BCAP29: variants seen among roughly 807,000 people sequenced by gnomAD.
BCAP29 encodes the protein B-cell receptor-associated protein 29.
BCAP29 carries 34 observed loss-of-function variants against 31.8 expected under a neutral mutation model. That is an observed-to-expected ratio of 1.07 (90% CI 0.81 to 1.42). The LOEUF (loss-of-function observed/expected upper bound fraction) is 1.42, where lower values mean the gene tolerates loss of function less well. Ranked by LOEUF, BCAP29 falls within the 40% of genes most tolerant of loss-of-function variation. BCAP29 has a pLI of 0.00. For synonymous variants in BCAP29, 104 were observed against 91.3 expected, an observed-to-expected ratio of 1.14 and a Z score of -0.79; for missense variants, 314 against 269.2, an observed-to-expected ratio of 1.17 and a Z score of -1.16.
chr7:107,597,018 T>TA (rs1809972221), intron 5 of BCAP29, among the ~76,000 whole-genome samples: 1 of 152,168 alleles, frequency 6.6e-6, no homozygotes, highest in Non-Finnish European at 1.5e-5. Context: ...GAGGCACAGA[T>TA]ATGCTGGGCT....
downstream of BCAP29, chr7:107,622,056 T>C (rs565001867): frequency 2.3e-6 from 1 of 435,248 alleles, no homozygotes; most frequent in East Asian, 5.7e-5. Context: ...CCTATCTTAG[T>C]TACTTTTCTC....
Position 107,595,996 on chromosome 7 carries a change from A to G in BCAP29, c.474A>G (p.Leu158=), listed in dbSNP as rs1156900785. The G allele has an allele frequency of 8.3e-6, 13 of 1,569,934 alleles. No individual in the cohort carries two copies. The highest frequency in any genetic ancestry group is 1.4e-5 in the African/African-American group (1 of 72,054). ...AATTTATGGAAGAAAACGAAAAACTAAAAAGGGTATTTAATTTTCTTTGTA... is the reference window on the plus strand; with the variant it reads ...AATTTATGGAAGAAAACGAAAAACTGAAAAGGGTATTTAATTTTCTTTGTA... ...AKKFMEENEK[L]KRILKSHGKD... is the part of the protein sequence containing the mutation. Residue 158 remains leucine (L), a synonymous_variant, in exon 5 of 8, where the codon CTA becomes CTG. Coordinates refer to ENST00000005259, the MANE Select transcript of BCAP29 (RefSeq NM_018844.4).
At chr7:107,607,652 T>TC (rs1812355692) in intron 6 of BCAP29, among the ~76,000 whole-genome samples, 1 of 148,244 alleles carries the variant, frequency 6.7e-6, no homozygotes, top group Non-Finnish European at 1.5e-5. Flanking sequence ...TTTTTTTTTT[T>TC]CCGAGACAGA....
chr7:107,587,824 A>G (rs1173124878), intron 3 of BCAP29: 7 of 151,108 alleles, frequency 4.6e-5, no homozygotes, highest in South Asian at 2.1e-4. Flanking sequence ...CCCCTATTTG[A>G]AAAAAAAAGC....
intron 6 of BCAP29, among the ~76,000 whole-genome samples, chr7:107,612,076 A>T (rs2129286101): frequency 6.6e-6 from 1 of 152,218 alleles, no homozygotes; most frequent in East Asian, 1.9e-4. Flanking sequence ...CTATATGATG[A>T]CTTCTCAAGA....
At chr7:107,599,374 G>A (rs1189301483) in intron 5 of BCAP29, among the ~76,000 whole-genome samples, 1 of 99,612 alleles carries the variant, frequency 1.0e-5, no homozygotes, top group African/African-American at 4.2e-5. Flanking sequence ...TGTAAAATTA[G>A]CCTGCCATGG....
At chr7:107,622,470 GAACA>G (rs1174033385), downstream of BCAP29, 11 of 152,832 alleles carry the variant, frequency 7.2e-5, no homozygotes, top group African/African-American at 2.7e-4. Context: ...ATTCTTCTTG[GAACA>G]AGCCAAATTC....
In BCAP29 at chr7:107,580,810, A is replaced by G; in HGVS notation, c.38A>G (p.Tyr13Cys). 1.3e-6 allele frequency: 2 copies of G among 1,594,428 alleles called. No individual in the cohort carries two copies. Among genetic ancestry groups the G allele is most frequent in the Non-Finnish European group, 1.7e-6 (2 of 1,172,030 alleles). The change falls in exon 2 of 8, where the codon TAT becomes TGT. Residue 13 changes from tyrosine (Y) to cysteine (C), a missense_variant. Coordinates refer to ENST00000005259, the MANE Select transcript of BCAP29 (RefSeq NM_018844.4). ...TGGGCTGCAGTGGCAACCTTTCTTT[A>G]TGCCGAAATAGGACTCATTTTAATC... Reference protein sequence around the residue: ...LQWAAVATFLYAEIGLILIFC... With the variant: ...LQWAAVATFLCAEIGLILIFC...
At chr7:107,604,258 C>T (rs1173981944) in intron 6 of BCAP29, among the ~76,000 whole-genome samples, 1 of 152,116 alleles carries the variant, frequency 6.6e-6, no homozygotes, top group Non-Finnish European at 1.5e-5. Flanking sequence ...CTTTGATACC[C>T]TTGAAGATGT....
At chr7:107,613,475 A>C (rs1383665141) in intron 7 of BCAP29, 43 bp downstream of exon 7, 4 of 1,438,400 alleles carry the variant, frequency 2.8e-6, no homozygotes, top group Non-Finnish European at 3.9e-6. Context: ...GTTTTGAAAT[A>C]GTAATTACCT....
chr7:107,587,315 G>A (rs1457063783), intron 3 of BCAP29: 1 of 152,068 alleles, frequency 6.6e-6, no homozygotes, highest in Non-Finnish European at 1.5e-5. Flanking sequence ...TTCAGACATA[G>A]TTACCTTTTT....
At chr7:107,585,021 A>G (rs559961916) in intron 3 of BCAP29, among the ~76,000 whole-genome samples, 127 of 152,356 alleles carry the variant, frequency 8.3e-4, no homozygotes, top group African/African-American at 2.9e-3. Flanking sequence ...CAGAAGTTCC[A>G]TGAGTCTTAG....
chr7:107,598,884 C>T (rs919347215), intron 5 of BCAP29, among the ~76,000 whole-genome samples: 33 of 143,756 alleles, frequency 2.3e-4, no homozygotes, highest in African/African-American at 5.9e-4. Context: ...CCAGCCTGGG[C>T]AATACAGTAT....
chr7:107,586,461 G>C (rs1398178733), intron 3 of BCAP29, among the ~76,000 whole-genome samples: 1 of 152,172 alleles, frequency 6.6e-6, no homozygotes, highest in African/African-American at 2.4e-5. Flanking sequence ...ATCATGGATA[G>C]TTAAGGCAAC....
At chr7:107,615,285 A>G (rs752828491) in intron 7 of BCAP29, 1 of 456,674 alleles carries the variant, frequency 2.2e-6, no homozygotes. Flanking sequence ...ATTCTTGGTA[A>G]AGGAAGTAGA....
In BCAP29 at chr7:107,620,061, T is replaced by C. The variant is rs747273187; in HGVS notation, c.*1698T>C. On this transcript the variant is annotated 3_prime_UTR_variant, in exon 8 of 8. Coordinates refer to ENST00000005259, the MANE Select transcript of BCAP29 (RefSeq NM_018844.4). ...TAGTAAGGAGAAAGTCTGGTTGCAC[T>C]TTGAAGAGCTTGAAGATTTGAAAGA... The C allele has an allele frequency of 1.3e-5, 2 of 152,240 alleles. No individual in the cohort carries two copies. The highest frequency in any genetic ancestry group is 2.9e-5 in the Non-Finnish European group (2 of 68,040). The allele number at this position is 152,240 out of a possible 1,614,324, so 9.4% of individuals were successfully genotyped here.
intron 3 of BCAP29, among the ~76,000 whole-genome samples, chr7:107,584,485 G>T (rs761806128): frequency 6.6e-6 from 1 of 152,218 alleles, no homozygotes; most frequent in Non-Finnish European, 1.5e-5. Flanking sequence ...AAGGCGGGAG[G>T]ATTGCCTGAG....
In BCAP29 at chr7:107,591,347, T is replaced by A. The variant is rs560579999; in HGVS notation, c.194-2608T>A. On this transcript the variant is annotated intron_variant, in intron 3 of 7. Coordinates refer to ENST00000005259, the MANE Select transcript of BCAP29 (RefSeq NM_018844.4). ...ATTGGGAGACTCACACTACCAGATT[T>A]CAACAGTAAAGGGGAAAATAAAAAC... Among the ~76,000 whole-genome samples, 5 of 152,230 alleles carry A rather than the reference T, an allele frequency of 3.3e-5. No individual in the cohort carries two copies. The South Asian group carries it at 1.0e-3, about 32-fold the overall frequency.
rs1227440993 is a variant in BCAP29 at position 107,595,888 on chromosome 7, G to A, written c.366G>A (p.Thr122=). ...FFWLVLRRLV[T]LITQLAKELS... Reference sequence around the variant, plus strand: ...TTAGAGTTTTGAGACGTCTGGTTACGCTTATTACTCAACTGGCAAAAGAAC... The same window carrying A: ...TTAGAGTTTTGAGACGTCTGGTTACACTTATTACTCAACTGGCAAAAGAAC... Residue 122 remains threonine (T), a synonymous_variant, in exon 5 of 8, where the codon ACG becomes ACA. Transcript: ENST00000005259. 1.4e-5 allele frequency: 23 copies of A among 1,602,220 alleles called. No individual in the cohort carries two copies. The highest frequency in any genetic ancestry group is 2.0e-5 in the Non-Finnish European group (23 of 1,176,500).
Sources: gnomAD v4.1 joint callset for allele counts (sites outside exome capture counted in the v4.1 genomes callset) on GRCh38, gnomAD v4.1.1 for gene constraint, MANE v1.5 for transcripts, NCBI Gene and HGNC (gene_info 2026-07-23, HGNC 2026-07-21) for gene names.